The following MYO9A variants were observed in gnomAD, a reference collection of about 807,000 sequenced individuals.
MYO9A encodes myosin IXA.
Under a neutral mutation model 293.3 loss-of-function variants are expected in MYO9A, and 103 were observed. That is an observed-to-expected ratio of 0.35 (90% CI 0.30 to 0.41). MYO9A has a LOEUF of 0.41. Ranked by LOEUF, MYO9A falls within the 10% of genes least tolerant of loss-of-function variation. The pLI is 1.00. For missense variants in MYO9A, 2,685 were observed against 3,033.0 expected, an observed-to-expected ratio of 0.89 and a Z score of 2.69; for synonymous variants, 1,001 against 1,035.7, an observed-to-expected ratio of 0.97 and a Z score of 0.64.
chr15:71,952,881 CA>C (rs1485488245), intron 14 of MYO9A, among the ~76,000 whole-genome samples: 1 of 152,070 alleles, frequency 6.6e-6, no homozygotes, highest in Admixed American at 6.6e-5. Context: ...AAAAGTTAAA[CA>C]GTCTCATACT....
At chr15:72,104,900 G>A (rs1249158509) in intron 1 of MYO9A, among the ~76,000 whole-genome samples, 1 of 152,142 alleles carries the variant, frequency 6.6e-6, no homozygotes. Flanking sequence ...CATAAGAGCA[G>A]AATTTTCAGG....
chr15:71,867,550 C>A (rs1300376149), intron 32 of MYO9A, among the ~76,000 whole-genome samples: 2 of 146,432 alleles, frequency 1.4e-5, no homozygotes, highest in Non-Finnish European at 3.0e-5. Flanking sequence ...AGGAAAAGAC[C>A]AAAGCCAAAA....
In MYO9A at chr15:71,878,177, T is replaced by C. The variant is rs1297837000; in HGVS notation, c.5794A>G (p.Ile1932Val). The C allele has an allele frequency of 6.2e-7, 1 of 1,611,684 alleles. No individual in the cohort carries two copies. The highest frequency in any genetic ancestry group is 2.2e-5 in the East Asian group (1 of 44,822). Reference sequence around the variant, plus strand: ...TCAAGCCTCATCGTCTTTTCCAGAATCTGTTCAAATAGTGCATAGAGGTCT... The same window carrying C: ...TCAAGCCTCATCGTCTTTTCCAGAACCTGTTCAAATAGTGCATAGAGGTCT... ...YKDLYALFEQ[I>V]LEKTMRLEQR... is the part of the protein sequence containing the mutation. Residue 1932 changes from isoleucine (I) to valine (V), a missense_variant, in exon 31 of 42, where the codon ATT (isoleucine) becomes GTT (valine). Physicochemically the swap from Ile to Val is conservative, Grantham distance 29 (BLOSUM62 3). Around this residue, in one of 10 missense-constraint regions of MYO9A, gnomAD observed 1,434 missense variants for 1,497.7 expected, o/e 0.96. Coordinates refer to ENST00000356056, the MANE Select transcript of MYO9A (RefSeq NM_006901.4).
intron 1 of MYO9A, among the ~76,000 whole-genome samples, chr15:72,113,507 T>A (rs1236378845): frequency 6.6e-6 from 1 of 152,222 alleles, no homozygotes; most frequent in East Asian, 1.9e-4. Context: ...AGATCATGAA[T>A]GATCTCATAC....
chr15:71,953,892 T>C (rs1005198223), intron 14 of MYO9A, among the ~76,000 whole-genome samples: 1 of 151,786 alleles, frequency 6.6e-6, no homozygotes, highest in Admixed American at 6.6e-5. Context: ...TGTTTTGTTT[T>C]GTTTTGTTTT....
intron 19 of MYO9A, among the ~76,000 whole-genome samples, chr15:71,909,991 A>G (rs1344344419): frequency 1.3e-5 from 2 of 151,392 alleles, no homozygotes; most frequent in Admixed American, 6.6e-5. Flanking sequence ...TGATAATAAT[A>G]ATACACATAA....
chr15:71,861,835 A>C (rs538610919), intron 33 of MYO9A, among the ~76,000 whole-genome samples: 24 of 152,260 alleles, frequency 1.6e-4, no homozygotes, highest in Admixed American at 3.9e-4. Flanking sequence ...AAGAACAGAG[A>C]ATTTCGGAGG....
Position 71,887,989 on chromosome 15 carries a change from G to A in MYO9A, c.5255+15C>T, listed in dbSNP as rs371260455. ...AAATTATATAACCCCTGTTAACTCC[G>A]TGTATACTTTATACCTTATATCTGA... On this transcript the variant is annotated intron_variant, in intron 27 of 41. Transcript: ENST00000356056. The A allele has an allele frequency of 1.1e-5, 16 of 1,406,806 alleles. No homozygotes were observed. The highest frequency in any genetic ancestry group is 8.5e-5 in the South Asian group (7 of 82,260). The allele number at this position is 1,406,806 out of a possible 1,614,324, so 87.1% of individuals were successfully genotyped here.
At chr15:71,857,681 C>T (rs181921784) in intron 34 of MYO9A, among the ~76,000 whole-genome samples, 59 of 149,656 alleles carry the variant, frequency 3.9e-4, no homozygotes, top group Non-Finnish European at 6.4e-4. Context: ...ATGTTTGTAT[C>T]GACAGTTTTT....
intron 39 of MYO9A, among the ~76,000 whole-genome samples, chr15:71,833,460 T>C (rs908631791): frequency 2.0e-5 from 3 of 152,084 alleles, no homozygotes; most frequent in African/African-American, 7.2e-5. Context: ...ACCTAAGAAA[T>C]TGCTTCAAAA....
intron 19 of MYO9A, among the ~76,000 whole-genome samples, chr15:71,907,661 T>C (rs921253340): frequency 2.0e-5 from 3 of 149,882 alleles, no homozygotes; most frequent in African/African-American, 7.3e-5. Context: ...TGATATCTCA[T>C]TGTGGTTTTG....
At chr15:72,052,967 A>AAAGTATCACCCCAAG (rs138507954) in intron 1 of MYO9A, among the ~76,000 whole-genome samples, 6,636 of 152,134 alleles carry the variant, frequency 0.044, 256 homozygotes, top group East Asian at 0.18. Context: ...TCCAGCCTGA[A>AAAGTATCACCCCAAG]AAGTATCACC....
chr15:71,984,406 A>G (rs2076356535), intron 11 of MYO9A, among the ~76,000 whole-genome samples: 1 of 152,122 alleles, frequency 6.6e-6, no homozygotes, highest in African/African-American at 2.4e-5. Flanking sequence ...CTAGGTATAA[A>G]TATCTTTGTA....
chr15:72,053,571 A>T (rs1485835753), intron 1 of MYO9A, among the ~76,000 whole-genome samples: 4 of 152,220 alleles, frequency 2.6e-5, no homozygotes, highest in African/African-American at 9.6e-5. Context: ...AGAAAACCAA[A>T]CACCACACTT....
intron 15 of MYO9A, among the ~76,000 whole-genome samples, chr15:71,940,743 A>G (rs1246101666): frequency 1.3e-5 from 2 of 152,206 alleles, no homozygotes; most frequent in Non-Finnish European, 2.9e-5. Flanking sequence ...TTATTTTTGT[A>G]GAAATGAATG....
At chr15:71,964,900 C>A (rs932701256) in intron 13 of MYO9A, among the ~76,000 whole-genome samples, 1 of 151,350 alleles carries the variant, frequency 6.6e-6, no homozygotes, top group Non-Finnish European at 1.5e-5. Flanking sequence ...GGTTGCAGTA[C>A]GCCAAGATCG....
At chr15:72,056,484 C>T (rs767297047) in intron 1 of MYO9A, among the ~76,000 whole-genome samples, 8 of 152,196 alleles carry the variant, frequency 5.3e-5, no homozygotes, top group Non-Finnish European at 1.2e-4. Flanking sequence ...TGAAGTAACT[C>T]AGGAATGCAA....
chr15:71,851,174 CA>C, intron 37 of MYO9A, 78 bp downstream of exon 37: 1 of 1,137,620 alleles, frequency 8.8e-7, no homozygotes, highest in South Asian at 1.5e-5. Flanking sequence ...GTCAGTCTTC[CA>C]AATGGAGAAA....
intron 1 of MYO9A, among the ~76,000 whole-genome samples, chr15:72,097,886 G>A (rs1034468678): frequency 5.9e-5 from 9 of 152,012 alleles, no homozygotes; most frequent in African/African-American, 1.9e-4. Flanking sequence ...CTCCAGCCTG[G>A]TGACAGAGCG....
Sources: gnomAD v4.1 joint callset for allele counts (sites outside exome capture counted in the v4.1 genomes callset) on GRCh38, gnomAD v4.1.1 for gene constraint, gnomAD v4.1.1 regional missense constraint, MANE v1.5 for transcripts, NCBI Gene and HGNC (gene_info 2026-07-23, HGNC 2026-07-21) for gene names.